The following ZNF568 variants were observed in gnomAD, a reference collection of about 807,000 sequenced individuals.
The protein encoded by ZNF568 is p53 inhibitor of SCO2 activation.
Under a neutral mutation model 18.1 loss-of-function variants are expected in ZNF568, and 11 were observed. The observed-to-expected ratio is 0.61, with a 90% confidence interval of 0.38 to 1.00. ZNF568 has a LOEUF of 1.00. Ranked by LOEUF, ZNF568 falls within the 50% of genes least tolerant of loss-of-function variation. ZNF568 has a pLI of 0.01. For missense variants in ZNF568, 639 were observed against 768.2 expected (o/e 0.83, Z 1.99); for synonymous variants, 213 against 246.6 (o/e 0.86, Z 1.28).
chr19:36,953,948 G>C (rs186091264), downstream of ZNF568, among the ~76,000 whole-genome samples: 1 of 151,464 alleles, frequency 6.6e-6, no homozygotes, highest in African/African-American at 2.4e-5. Context: ...GATAGGCTGG[G>C]TGTGGTGGCT....
At chr19:36,932,832 T>C (rs188410788) in intron 4 of ZNF568, among the ~76,000 whole-genome samples, 3 of 152,320 alleles carry the variant, frequency 2.0e-5, no homozygotes, top group Admixed American at 1.3e-4. Flanking sequence ...TATTAATATA[T>C]CTTCTTTGAA....
At chr19:36,919,346 A>G (rs563869417) in intron 2 of ZNF568, among the ~76,000 whole-genome samples, 5 of 152,310 alleles carry the variant, frequency 3.3e-5, no homozygotes, top group Admixed American at 6.5e-5. Context: ...TGTATGGACT[A>G]TATACATACA....
chr19:36,930,592 A>G (rs1254890139), intron 4 of ZNF568, among the ~76,000 whole-genome samples: 1 of 152,176 alleles, frequency 6.6e-6, no homozygotes, highest in Non-Finnish European at 1.5e-5. Flanking sequence ...TGTTAGCACT[A>G]ATTTAAAAAA....
chr19:36,983,567 T>G (rs2074349356), downstream of ZNF568, among the ~76,000 whole-genome samples: 1 of 152,224 alleles, frequency 6.6e-6, no homozygotes, highest in Non-Finnish European at 1.5e-5. Flanking sequence ...TTGAATTGAG[T>G]GCATTGTTCT....
At chr19:36,991,336 G>A (rs1357787358) in intron 3 of ZNF568, 22 of 1,485,024 alleles carry the variant, frequency 1.5e-5, no homozygotes, top group Middle Eastern at 1.7e-4. Context: ...CCCCTGCCCC[G>A]CCAAACACAC....
chr19:36,937,119 C>A, intron 5 of ZNF568, 28 bp from the exon 6 acceptor site: 2 of 1,604,146 alleles, frequency 1.2e-6, no homozygotes, highest in South Asian at 1.1e-5. Context: ...GCATTGACAT[C>A]CACATCCTTT....
chr19:36,981,450 A>G (rs779810844), downstream of ZNF568, among the ~76,000 whole-genome samples: 111 of 152,334 alleles, frequency 7.3e-4, no homozygotes, highest in Middle Eastern at 3.4e-3. Context: ...CTCTGCCTCT[A>G]AATAACTCTG....
chr19:36,973,551 G>C (rs753829959), intron 6 of ZNF568: 2 of 154,000 alleles, frequency 1.3e-5, no homozygotes, highest in Non-Finnish European at 2.9e-5. Context: ...TGTGGTGTGA[G>C]GCTGGCGCTG....
intron 6 of ZNF568, among the ~76,000 whole-genome samples, chr19:36,960,702 T>G (rs975587661): frequency 1.3e-5 from 2 of 151,258 alleles, no homozygotes; most frequent in Non-Finnish European, 2.9e-5. Context: ...CACTCCAGCC[T>G]GGGCAACAAG....
At chr19:36,924,229 T>C (rs2146269586) in intron 3 of ZNF568, among the ~76,000 whole-genome samples, 1 of 152,140 alleles carries the variant, frequency 6.6e-6, no homozygotes, top group East Asian at 2.0e-4. Context: ...ATTATTTTTT[T>C]TGAGGGGGAG....
In ZNF568 at chr19:36,922,681, C is replaced by T. The variant is rs770318964; in HGVS notation, c.-90C>T. 3 of 1,115,198 alleles carry T rather than the reference C, an allele frequency of 2.7e-6. No homozygotes were observed. The highest frequency in any genetic ancestry group is 4.0e-6 in the Non-Finnish European group (3 of 746,058). 69.1% of individuals were successfully genotyped at this position (1,115,198 alleles called of 1,614,324 possible). A position where few individuals can be genotyped will look rare whatever the true frequency, so the allele number is the denominator to read the frequency against. ...GGAAGGAGACCTGACCTGAGACCTGCCTTAGAGGCTGGAGAGTCCTGAAAG... is the reference window on the plus strand; with the variant it reads ...GGAAGGAGACCTGACCTGAGACCTGTCTTAGAGGCTGGAGAGTCCTGAAAG... On this transcript the variant is annotated 5_prime_UTR_variant, in exon 3 of 7. Transcript: ENST00000333987.
intron 4 of ZNF568, among the ~76,000 whole-genome samples, chr19:36,925,961 T>A: frequency 6.6e-6 from 1 of 152,194 alleles, no homozygotes; most frequent in East Asian, 1.9e-4. Flanking sequence ...CTGTAATTCC[T>A]TAATTCTTAC....
intron 2 of ZNF568, among the ~76,000 whole-genome samples, chr19:36,919,944 A>T (rs893154684): frequency 4.6e-5 from 7 of 152,238 alleles, no homozygotes; most frequent in Non-Finnish European, 1.0e-4. Flanking sequence ...TGCCTACTAT[A>T]CTATACTTTT....
chr19:36,932,968 T>C (rs558260866), intron 4 of ZNF568, among the ~76,000 whole-genome samples: 1 of 152,200 alleles, frequency 6.6e-6, no homozygotes, highest in Admixed American at 6.5e-5. Flanking sequence ...TATCCTATCC[T>C]CTGGGTTGTC....
chr19:36,943,489 C>T (rs2073916200), intron 6 of ZNF568, among the ~76,000 whole-genome samples: 1 of 152,004 alleles, frequency 6.6e-6, no homozygotes, highest in Non-Finnish European at 1.5e-5. Flanking sequence ...TAGAGGTTTC[C>T]AAAATTTGTC....
chr19:36,954,147 C>T (rs1354252563), downstream of ZNF568, among the ~76,000 whole-genome samples: 1 of 151,668 alleles, frequency 6.6e-6, no homozygotes, highest in African/African-American at 2.4e-5. Flanking sequence ...TTGCTTGAAC[C>T]TAGAGGGGCG....
chr19:36,927,041 A>G (rs912629353), intron 4 of ZNF568, among the ~76,000 whole-genome samples: 1 of 152,230 alleles, frequency 6.6e-6, no homozygotes, highest in Non-Finnish European at 1.5e-5. Flanking sequence ...CGAAATTAGA[A>G]TATTTTAAGA....
intron 6 of ZNF568, 36 bp downstream of exon 6, chr19:36,937,278 C>T (rs763786652): frequency 1.3e-6 from 2 of 1,563,184 alleles, no homozygotes; most frequent in South Asian, 1.1e-5. Flanking sequence ...ATGAGAAAGC[C>T]ACATGAGAGT....
At chr19:36,956,789 G>C (rs2074110835), downstream of ZNF568, among the ~76,000 whole-genome samples, 3 of 151,746 alleles carry the variant, frequency 2.0e-5, no homozygotes, top group African/African-American at 7.3e-5. Context: ...GTAGAGATGG[G>C]GTTTCACTAT....
Sources: allele counts gnomAD v4.1 joint callset (sites outside exome capture counted in the v4.1 genomes callset), GRCh38; gene constraint gnomAD v4.1.1; transcripts MANE v1.5; gene names NCBI Gene and HGNC (gene_info 2026-07-23, HGNC 2026-07-21).